HBP1: variants seen among roughly 807,000 people sequenced by gnomAD.
HBP1 encodes the protein HMG-box transcription factor 1, also known as HMG box-containing protein 1.
In HBP1, 20 loss-of-function variants were observed where a neutral mutation model predicts 62.6. The observed-to-expected ratio is 0.32, with a 90% CI of 0.22 to 0.46. The LOEUF (loss-of-function observed/expected upper bound fraction) is 0.46, where lower values mean the gene tolerates loss of function less well. HBP1 is among the 20% of genes least tolerant of loss of function. The probability of loss-of-function intolerance (pLI) is 1.00; values close to 1 mark genes in which losing one functional copy is unlikely to be tolerated. For synonymous variants in HBP1, 232 were observed against 206.2 expected (o/e 1.12, Z -1.07); for missense variants, 480 against 611.8 (o/e 0.78, Z 2.27).
At chr7:107,187,422 CGAT>C (rs1461026188) in intron 6 of HBP1, among the ~76,000 whole-genome samples, 3 of 151,970 alleles carry the variant, frequency 2.0e-5, no homozygotes, top group Admixed American at 6.6e-5. Flanking sequence ...TTTTCTAAGT[CGAT>C]GAGCAAAAGC....
chr7:107,176,026 T>A (rs1411985663), intron 1 of HBP1, among the ~76,000 whole-genome samples: 13 of 129,400 alleles, frequency 1.0e-4, no homozygotes. Context: ...TTTTTTCTTT[T>A]TTCATTTTTT....
chr7:107,175,618 T>C (rs1796799313), intron 1 of HBP1, among the ~76,000 whole-genome samples: 1 of 152,130 alleles, frequency 6.6e-6, no homozygotes, highest in Non-Finnish European at 1.5e-5. Context: ...TCCTACTTTG[T>C]GGTAAAACTA....
intron 7 of HBP1, 23 bp downstream of exon 7, chr7:107,189,471 A>C: frequency 6.4e-7 from 1 of 1,564,200 alleles, no homozygotes; most frequent in East Asian, 2.3e-5. Flanking sequence ...TTGCATTTGT[A>C]GTAACTTTTT....
At chr7:107,185,080 G>T (rs1797287785) in intron 3 of HBP1, among the ~76,000 whole-genome samples, 1 of 152,112 alleles carries the variant, frequency 6.6e-6, no homozygotes, top group African/African-American at 2.4e-5. Context: ...AAGGATCTGG[G>T]TATGCTCCTG....
chr7:107,189,498 A>C, intron 7 of HBP1, 50 bp downstream of exon 7: 1 of 1,395,034 alleles, frequency 7.2e-7, no homozygotes, highest in Non-Finnish European at 9.9e-7. Flanking sequence ...AAAGCTTCTT[A>C]AATCTGTAAT....
chr7:107,191,095 A>G (rs1256915691), intron 8 of HBP1, among the ~76,000 whole-genome samples: 1 of 152,220 alleles, frequency 6.6e-6, no homozygotes, highest in Non-Finnish European at 1.5e-5. Flanking sequence ...TATCAAATCC[A>G]TAGGCATGTA....
chr7:107,169,782 C>A, intron 1 of HBP1: 1 of 985,042 alleles, frequency 1.0e-6, no homozygotes, highest in Non-Finnish European at 1.2e-6. Context: ...GAAAAACAAG[C>A]CCGGAGTCCG....
rs867252758 is a variant in HBP1, at chr7:107,169,296, G to A, written c.-16+111G>A. 1.1e-4 allele frequency: 62 copies of A among 540,238 alleles called. 1 individual carries two copies. The highest frequency in any genetic ancestry group is 1.1e-3 in the African/African-American group (56 of 49,308). 33.5% of individuals were successfully genotyped at this position (540,238 alleles called of 1,614,324 possible). ...GGTCCTCGTTCCTTCTTCTCGGAGGGTTGCCCTTGGGGTGGGGGCAGTTAA... is the reference window on the plus strand; with the variant it reads ...GGTCCTCGTTCCTTCTTCTCGGAGGATTGCCCTTGGGGTGGGGGCAGTTAA... On this transcript the variant is annotated intron_variant, in intron 1 of 10. Coordinates refer to ENST00000222574, the MANE Select transcript of HBP1 (RefSeq NM_012257.4).
At chr7:107,188,142 G>C (rs1175932906) in intron 6 of HBP1, among the ~76,000 whole-genome samples, 1 of 152,194 alleles carries the variant, frequency 6.6e-6, no homozygotes, top group Admixed American at 6.5e-5. Context: ...AGAATGGGAA[G>C]ATTTTGTAAT....
chr7:107,199,918 GCA>G (rs1798141812), intron 9 of HBP1, among the ~76,000 whole-genome samples: 1 of 152,188 alleles, frequency 6.6e-6, no homozygotes. Flanking sequence ...TAGGTTACGG[GCA>G]CAAATAGATT....
At chr7:107,191,899 T>C (rs983821976) in intron 8 of HBP1, among the ~76,000 whole-genome samples, 3 of 152,158 alleles carry the variant, frequency 2.0e-5, no homozygotes, top group Non-Finnish European at 4.4e-5. Flanking sequence ...ACTCTGCACA[T>C]AGTTGTGCTC....
Position 107,201,508 on chromosome 7 carries a change from T to C in HBP1, c.*77T>C. ...ATGGAAAGACTTAAGAAGATCAAGG[T>C]CTCACCATTTGTCCTCAATTCGTGT... On this transcript the variant is annotated 3_prime_UTR_variant, in exon 11 of 11. Transcript: ENST00000222574. 1.1e-6 allele frequency: 1 copy of C among 874,348 alleles called. No homozygotes were observed. Among genetic ancestry groups the C allele is most frequent in the South Asian group, 1.5e-5 (1 of 65,856 alleles). The allele number at this position is 874,348 out of a possible 1,614,324, so 54.2% of individuals were successfully genotyped here.
At chr7:107,173,086 T>C (rs1796679220) in intron 1 of HBP1, among the ~76,000 whole-genome samples, 1 of 152,226 alleles carries the variant, frequency 6.6e-6, no homozygotes, top group Non-Finnish European at 1.5e-5. Context: ...TTTTGAAGTT[T>C]TGTTGAAAAT....
At position 107,187,608 on chromosome 7, in the gene HBP1, C is replaced by T. The variant is rs1384126016; in HGVS notation, c.765+927C>T. ...CTTGAGAAAAATTGTCCTGTCTTGG[C>T]TGCCTTCAGTTTCGTCCCCTTGCTT... is the stretch of plus-strand genomic sequence containing the variant. On this transcript the variant is annotated intron_variant, in intron 6 of 10. Coordinates refer to ENST00000222574, the MANE Select transcript of HBP1 (RefSeq NM_012257.4). Among the ~76,000 whole-genome samples, 5 of 151,946 alleles carry T rather than the reference C, an allele frequency of 3.3e-5. No homozygotes were observed. The East Asian group carries it at 7.7e-4, about 24-fold the overall frequency.
At chr7:107,197,658 C>T (rs530770827) in intron 9 of HBP1, among the ~76,000 whole-genome samples, 9 of 152,196 alleles carry the variant, frequency 5.9e-5, no homozygotes, top group African/African-American at 1.9e-4. Context: ...GCATGAGCCA[C>T]GGGCCCAGCG....
intron 1 of HBP1, among the ~76,000 whole-genome samples, chr7:107,169,434 G>T (rs1251909600): frequency 6.9e-6 from 1 of 145,984 alleles, no homozygotes; most frequent in Non-Finnish European, 1.5e-5. Flanking sequence ...GAGGAGGCAG[G>T]GGGAGGGCGA....
rs1168110972 is a variant in HBP1, at chr7:107,186,652, G to A, written c.736G>A (p.Glu246Lys). 3.1e-6 allele frequency: 5 copies of A among 1,608,522 alleles called. No individual in the cohort carries two copies. Among genetic ancestry groups the A allele is most frequent in the East Asian group, 2.2e-5 (1 of 44,850 alleles). ...DFARAEGCDNEEDLQMGIHKG... is the reference protein window; with the variant it reads ...DFARAEGCDNKEDLQMGIHKG... Reference sequence around the variant, plus strand: ...TGCTAGAGCTGAAGGCTGTGATAATGAGGAAGATCTTCAAATGGGCATTCA... The same window carrying A: ...TGCTAGAGCTGAAGGCTGTGATAATAAGGAAGATCTTCAAATGGGCATTCA... Residue 246 changes from glutamate (E) to lysine (K), a missense_variant, in exon 6 of 11, where the codon GAG becomes AAG. Coordinates refer to ENST00000222574, the MANE Select transcript of HBP1 (RefSeq NM_012257.4).
In HBP1 at chr7:107,189,429, T is replaced by C; in HGVS notation, c.903T>C (p.Pro301=). 3 of 1,606,334 alleles carry C rather than the reference T, an allele frequency of 1.9e-6. No homozygotes were observed. The highest frequency in any genetic ancestry group is 1.3e-5 in the African/African-American group (1 of 74,716). The change falls in exon 7 of 11, where the codon CCT becomes CCC. Residue 301 remains proline (P), a synonymous_variant. Coordinates refer to ENST00000222574, the MANE Select transcript of HBP1 (RefSeq NM_012257.4). The part of the protein sequence containing the change: ...LLTVECKLDH[P]FYVKNKGWSS... Reference sequence around the variant, plus strand: ...CCGTAGAGTGTAAGCTGGACCACCCTTTCTATGTTAAAAATAAAGGTAGGG... The same window carrying C: ...CCGTAGAGTGTAAGCTGGACCACCCCTTCTATGTTAAAAATAAAGGTAGGG...
At chr7:107,188,719 T>C (rs1372528958) in intron 6 of HBP1, among the ~76,000 whole-genome samples, 1 of 150,774 alleles carries the variant, frequency 6.6e-6, no homozygotes, top group Non-Finnish European at 1.5e-5. Flanking sequence ...GAATATGAGA[T>C]CTTTTCTTCT....
Sources: gnomAD v4.1 joint callset for allele counts (sites outside exome capture counted in the v4.1 genomes callset) on GRCh38, gnomAD v4.1.1 for gene constraint, MANE v1.5 for transcripts, NCBI Gene and HGNC (gene_info 2026-07-23, HGNC 2026-07-21) for gene names.